Variants in SLC2A9 observed in about 807,000 individuals in gnomAD.
SLC2A9 encodes the protein solute carrier family 2 member 9.
SLC2A9 carries 39 observed loss-of-function variants against 50.6 expected under a neutral mutation model. The ratio of observed to expected loss-of-function variants is 0.77; its 90% CI spans 0.60 to 1.01. The LOEUF (loss-of-function observed/expected upper bound fraction) is 1.01, where lower values mean the gene tolerates loss of function less well. SLC2A9 is among the 50% of genes least tolerant of loss of function. SLC2A9 has a pLI of 0.00. For synonymous variants in SLC2A9, 324 were observed against 276.9 expected, an observed-to-expected ratio of 1.17 and a Z score of -1.69; for missense variants, 686 against 677.6, an observed-to-expected ratio of 1.01 and a Z score of -0.14.
chr4:9,988,833 G>C (rs1228653661), intron 3 of SLC2A9, among the ~76,000 whole-genome samples: 1 of 152,242 alleles, frequency 6.6e-6, no homozygotes, highest in Non-Finnish European at 1.5e-5. Flanking sequence ...CAAAGGGGCT[G>C]GAGACATTTC....
intron 5 of SLC2A9, among the ~76,000 whole-genome samples, chr4:9,965,119 G>A (rs558059674): frequency 6.6e-5 from 10 of 152,300 alleles, no homozygotes; most frequent in Non-Finnish European, 1.0e-4. Context: ...AAATCCCCAC[G>A]AAAGAGGTCC....
chr4:9,914,533 G>A (rs1577865839), intron 7 of SLC2A9, among the ~76,000 whole-genome samples: 2 of 152,170 alleles, frequency 1.3e-5, no homozygotes, highest in Non-Finnish European at 2.9e-5. Flanking sequence ...AGGACCTGTG[G>A]GTCACTCACT....
chr4:9,847,151 TG>T (rs1265332389), intron 10 of SLC2A9, among the ~76,000 whole-genome samples: 1 of 152,240 alleles, frequency 6.6e-6, no homozygotes, highest in Non-Finnish European at 1.5e-5. Flanking sequence ...GTTTTCACAC[TG>T]CTGTGAAGAA....
At chr4:9,925,484 T>C (rs1744731710) in intron 6 of SLC2A9, among the ~76,000 whole-genome samples, 1 of 152,160 alleles carries the variant, frequency 6.6e-6, no homozygotes, top group South Asian at 2.1e-4. Context: ...CAACCTGGGC[T>C]TCACACCCAG....
At chr4:9,782,398 C>T (rs1346136687) in intron 3 of SLC2A9, 1 of 1,614,052 alleles carries the variant, frequency 6.2e-7, no homozygotes, top group Non-Finnish European at 8.5e-7. Flanking sequence ...ACATCATGTG[C>T]TCCACTGCCT....
At chr4:10,024,257 G>A (rs755958408), upstream of SLC2A9, among the ~76,000 whole-genome samples, 1 of 152,140 alleles carries the variant, frequency 6.6e-6, no homozygotes, top group African/African-American at 2.4e-5. Flanking sequence ...GGGCAGGGAT[G>A]GTGTGCGTCT....
intron 8 of SLC2A9, among the ~76,000 whole-genome samples, chr4:9,907,190 CCTAA>C (rs577819785): frequency 1.7e-3 from 254 of 152,290 alleles, no homozygotes; most frequent in African/African-American, 5.6e-3. Context: ...TGGAAGGGAG[CCTAA>C]CTGTGTGCTG....
chr4:10,023,469 T>A (rs3775941), upstream of SLC2A9, among the ~76,000 whole-genome samples: 15,809 of 152,290 alleles, frequency 0.1, 1,434 homozygotes, highest in East Asian at 0.46. Context: ...TCACCAGATT[T>A]TGCTAAAGCT....
At chr4:9,892,746 G>A (rs1318659957) in intron 8 of SLC2A9, among the ~76,000 whole-genome samples, 1 of 152,218 alleles carries the variant, frequency 6.6e-6, no homozygotes, top group Non-Finnish European at 1.5e-5. Context: ...ACTAAGGAGT[G>A]CCCTGGGGAT....
chr4:9,946,128 C>A (rs1749100148), intron 5 of SLC2A9, among the ~76,000 whole-genome samples: 1 of 152,168 alleles, frequency 6.6e-6, no homozygotes, highest in African/African-American at 2.4e-5. Flanking sequence ...TAGGAGAACA[C>A]AGGCAGAGTC....
chr4:9,997,438 A>G (rs955195902), intron 2 of SLC2A9, among the ~76,000 whole-genome samples: 1 of 152,160 alleles, frequency 6.6e-6, no homozygotes, highest in African/African-American at 2.4e-5. Flanking sequence ...AGAGGCCCAC[A>G]CCTGTAATCC....
At chr4:9,782,873 A>G in intron 3 of SLC2A9, 1 of 1,613,724 alleles carries the variant, frequency 6.2e-7, no homozygotes, top group Non-Finnish European at 8.5e-7. Context: ...CGCGCCCGAC[A>G]CCAGCCTGCG....
At chr4:9,778,179 G>A (rs1441808394), downstream of SLC2A9, among the ~76,000 whole-genome samples, 7 of 151,046 alleles carry the variant, frequency 4.6e-5, no homozygotes, top group Non-Finnish European at 7.4e-5. Context: ...GTGCGATCTC[G>A]GCTCACTGCA....
chr4:9,877,990 C>G lies in SLC2A9; in HGVS notation c.1291+9577G>C, dbSNP rs568388387. ...CAGCAGCCAATGCAGTTGAGAGTGC[C>G]AGCCCCCTTCCTCCTATAGAATGTC... On this transcript the variant is annotated intron_variant, in intron 10 of 11. Transcript: ENST00000264784. Among the ~76,000 whole-genome samples the G allele has an allele frequency of 2.0e-5, 3 of 152,210 alleles. No individual in the cohort carries two copies. In the South Asian group the frequency reaches 6.2e-4, roughly 32 times the overall value.
chr4:9,879,343 G>C (rs1273808256), intron 10 of SLC2A9: 1 of 984,740 alleles, frequency 1.0e-6, no homozygotes, highest in Non-Finnish European at 1.2e-6. Context: ...CAAAGGCTGA[G>C]ACCATGAAGC....
At chr4:9,996,994 G>A in intron 2 of SLC2A9, 53 bp from the exon 3 acceptor site, 3 of 1,603,408 alleles carry the variant, frequency 1.9e-6, no homozygotes, top group Non-Finnish European at 1.7e-6. Flanking sequence ...CCTGCTGCTT[G>A]AAGCAAGCCA....
chr4:9,885,325 A>G (rs564681313), intron 10 of SLC2A9, among the ~76,000 whole-genome samples: 4 of 152,232 alleles, frequency 2.6e-5, no homozygotes, highest in Admixed American at 6.5e-5. Context: ...ATTCAACCTT[A>G]TATTTGTTCT....
At chr4:9,837,533 A>G (rs1727293690) in intron 10 of SLC2A9, among the ~76,000 whole-genome samples, 1 of 152,180 alleles carries the variant, frequency 6.6e-6, no homozygotes, top group Non-Finnish European at 1.5e-5. Context: ...GGCTGGTACA[A>G]TGGAATGCGG....
intron 3 of SLC2A9, among the ~76,000 whole-genome samples, chr4:9,806,137 G>A (rs1303283693): frequency 6.6e-6 from 1 of 152,176 alleles, no homozygotes; most frequent in Non-Finnish European, 1.5e-5. Flanking sequence ...TTGGGAACAG[G>A]CCCCAACATC....
Sources: allele counts gnomAD v4.1 joint callset (sites outside exome capture counted in the v4.1 genomes callset), GRCh38; gene constraint gnomAD v4.1.1; transcripts MANE v1.5; gene names NCBI Gene and HGNC (gene_info 2026-07-23, HGNC 2026-07-21).